Variants in ZNF385D observed in about 807,000 individuals in gnomAD.
ZNF385D encodes zinc finger protein 659.
ZNF385D carries 15 observed loss-of-function variants against 35.8 expected under a neutral mutation model. The ratio of observed to expected loss-of-function variants is 0.42; its 90% CI spans 0.28 to 0.64. ZNF385D has a LOEUF of 0.64. ZNF385D is among the 30% of genes least tolerant of loss of function. The pLI is 0.23. For missense variants in ZNF385D, 474 were observed against 494.6 expected (o/e 0.96, Z 0.39); for synonymous variants, 212 against 186.8 (o/e 1.13, Z -1.10).
At chr3:22,242,824 C>G (rs982378276) in intron 2 of ZNF385D, among the ~76,000 whole-genome samples, 2 of 150,798 alleles carry the variant, frequency 1.3e-5, no homozygotes, top group Admixed American at 6.6e-5. Context: ...ATAAGGCAAG[C>G]TGGGTGAGAG....
chr3:22,153,427 T>A (rs1310771229), intron 3 of ZNF385D, among the ~76,000 whole-genome samples: 1 of 151,286 alleles, frequency 6.6e-6, no homozygotes, highest in African/African-American at 2.4e-5. Context: ...AATGACCCCG[T>A]GCCTGTTTTA....
chr3:21,425,125 A>T (rs1418261771), intron 6 of ZNF385D, among the ~76,000 whole-genome samples: 1 of 152,212 alleles, frequency 6.6e-6, no homozygotes, highest in Non-Finnish European at 1.5e-5. Context: ...ATTAAAACGG[A>T]ATACTGCAAG....
intron 1 of ZNF385D, among the ~76,000 whole-genome samples, chr3:21,738,165 G>T (rs13063065): frequency 0.85 from 128,679 of 152,204 alleles, 54,662 homozygotes; most frequent in East Asian, 1. Flanking sequence ...GTTCTCTTGT[G>T]AGTTTGTTGC....
intron 3 of ZNF385D, among the ~76,000 whole-genome samples, chr3:21,862,461 G>A (rs1697109109): frequency 6.6e-6 from 1 of 152,018 alleles, no homozygotes; most frequent in African/African-American, 2.4e-5. Context: ...ACAGAAATAG[G>A]ACAAAATGTC....
intron 3 of ZNF385D, among the ~76,000 whole-genome samples, chr3:21,975,506 C>T (rs1458895890): frequency 6.6e-6 from 1 of 151,790 alleles, no homozygotes; most frequent in Non-Finnish European, 1.5e-5. Context: ...TGACTACACT[C>T]AATAACGATT....
chr3:22,180,862 G>A (rs531687500), intron 2 of ZNF385D, among the ~76,000 whole-genome samples: 3 of 147,466 alleles, frequency 2.0e-5, no homozygotes, highest in East Asian at 4.0e-4. Flanking sequence ...GCTAAGAGGA[G>A]AATTGTGATG....
At chr3:22,366,694 G>A (rs879607700) in intron 2 of ZNF385D, among the ~76,000 whole-genome samples, 5 of 152,074 alleles carry the variant, frequency 3.3e-5, no homozygotes, top group East Asian at 1.9e-4. Flanking sequence ...ACATTAGTTC[G>A]TAATCCTTAG....
intron 3 of ZNF385D, among the ~76,000 whole-genome samples, chr3:21,896,520 G>T (rs1699145118): frequency 6.6e-6 from 1 of 152,168 alleles, no homozygotes; most frequent in African/African-American, 2.4e-5. Context: ...AAGAGGTGGG[G>T]CCTGGGCCTT....
intron 3 of ZNF385D, among the ~76,000 whole-genome samples, chr3:21,840,710 T>G (rs1006312438): frequency 6.6e-6 from 1 of 152,092 alleles, no homozygotes; most frequent in Non-Finnish European, 1.5e-5. Context: ...GTTCTAATAC[T>G]CTACCATTAT....
At chr3:21,992,108 C>G (rs546686537) in intron 3 of ZNF385D, among the ~76,000 whole-genome samples, 1 of 152,242 alleles carries the variant, frequency 6.6e-6, no homozygotes, top group South Asian at 2.1e-4. Flanking sequence ...ATGTATAATG[C>G]CCAGCAATCA....
chr3:21,955,950 C>T (rs948946570), intron 3 of ZNF385D, among the ~76,000 whole-genome samples: 8 of 151,964 alleles, frequency 5.3e-5, no homozygotes, highest in African/African-American at 1.9e-4. Context: ...ATTTGGGAGG[C>T]CCAGGCATGT....
chr3:22,071,447 G>A (rs1452890034), intron 3 of ZNF385D, among the ~76,000 whole-genome samples: 5 of 152,132 alleles, frequency 3.3e-5, no homozygotes. Flanking sequence ...TGATTGAAAA[G>A]AAATTGCTGA....
intron 2 of ZNF385D, among the ~76,000 whole-genome samples, chr3:22,279,105 TC>T (rs1701584239): frequency 6.6e-6 from 1 of 152,096 alleles, no homozygotes; most frequent in South Asian, 2.1e-4. Context: ...TCAATTGTGT[TC>T]CTTTTTTGTT....
At chr3:22,130,022 G>A (rs942569386) in intron 3 of ZNF385D, among the ~76,000 whole-genome samples, 1 of 152,088 alleles carries the variant, frequency 6.6e-6, no homozygotes, top group African/African-American at 2.4e-5. Context: ...GGATTCTTAA[G>A]CCAGCAGGTT....
intron 2 of ZNF385D, among the ~76,000 whole-genome samples, chr3:22,353,539 A>G (rs1696012206): frequency 6.6e-6 from 1 of 152,168 alleles, no homozygotes; most frequent in African/African-American, 2.4e-5. Flanking sequence ...CATCACAACA[A>G]TAGAATGTGG....
At chr3:22,059,171 T>C (rs935269955) in intron 3 of ZNF385D, among the ~76,000 whole-genome samples, 5 of 152,140 alleles carry the variant, frequency 3.3e-5, no homozygotes, top group African/African-American at 1.2e-4. Context: ...GTGTAATCAT[T>C]GGAGGTGACT....
In ZNF385D at chr3:22,317,280, C is replaced by CAAAA. The variant is rs59675675; in HGVS notation, c.106+55166_106+55169dup. ...GGAAACAAGAGTGAAACTCCATCTC[C>CAAAA]AAAAAAAAAAAAAAAAAAAAAAAAA... On this transcript the variant is annotated intron_variant, in intron 2 of 5. Transcript: ENST00000494108. 7.3e-3 allele frequency among the ~76,000 whole-genome samples: 191 copies of CAAAA among 26,110 alleles called. 1 individual carries two copies. The highest frequency in any genetic ancestry group is 9.3e-3 in the African/African-American group (55 of 5,904). The allele number at this position is 26,110 out of a possible 152,430, so 17.1% of individuals were successfully genotyped here.
chr3:22,339,280 G>GT (rs1559528823), intron 2 of ZNF385D, among the ~76,000 whole-genome samples: 1 of 152,094 alleles, frequency 6.6e-6, no homozygotes, highest in African/African-American at 2.4e-5. Flanking sequence ...GCCCAAGTGC[G>GT]TAAGTAAATA....
At chr3:21,549,528 C>G (rs2125592190) in intron 3 of ZNF385D, among the ~76,000 whole-genome samples, 1 of 152,220 alleles carries the variant, frequency 6.6e-6, no homozygotes, top group East Asian at 1.9e-4. Context: ...ATAAGCCCTT[C>G]AAAAAAGAGC....
Sources: gnomAD v4.1 joint callset for allele counts (sites outside exome capture counted in the v4.1 genomes callset) on GRCh38, gnomAD v4.1.1 for gene constraint, MANE v1.5 for transcripts, NCBI Gene and HGNC (gene_info 2026-07-23, HGNC 2026-07-21) for gene names.